Variants in MACROD2 observed in about 807,000 individuals in gnomAD.
MACROD2 encodes ADP-ribose glycohydrolase MACROD2.
MACROD2 carries 36 observed loss-of-function variants against 70.4 expected under a neutral mutation model. The ratio of observed to expected loss-of-function variants is 0.51; its 90% CI spans 0.39 to 0.68. MACROD2 has a LOEUF of 0.68. Among genes scored for constraint, MACROD2 ranks in the 30% least tolerant of loss-of-function variants. The pLI is 0.00. For synonymous variants in MACROD2, 172 were observed against 178.8 expected (o/e 0.96, Z 0.30); for missense variants, 496 against 538.4 (o/e 0.92, Z 0.78).
At chr20:14,615,615 C>G (rs937382759) in intron 4 of MACROD2, among the ~76,000 whole-genome samples, 1 of 151,836 alleles carries the variant, frequency 6.6e-6, no homozygotes, top group Non-Finnish European at 1.5e-5. Context: ...GTGGAGAAGC[C>G]CATGGGTCTA....
chr20:14,986,860 A>C (rs374192), intron 5 of MACROD2, among the ~76,000 whole-genome samples: 3,249 of 152,230 alleles, frequency 0.021, 69 homozygotes, highest in Admixed American at 0.048. Context: ...AGGCAAAGGC[A>C]AAAAAAGTAT....
At chr20:15,134,785 T>C (rs1431529650) in intron 5 of MACROD2, among the ~76,000 whole-genome samples, 1 of 152,242 alleles carries the variant, frequency 6.6e-6, no homozygotes, top group East Asian at 1.9e-4. Flanking sequence ...AGTTGCTGGT[T>C]TTTTGAAAGG....
chr20:14,697,146 G>C (rs919016259), intron 5 of MACROD2, among the ~76,000 whole-genome samples: 3 of 152,170 alleles, frequency 2.0e-5, no homozygotes, highest in Admixed American at 6.5e-5. Context: ...GAAATCCGTT[G>C]GCTGGCAGAG....
intron 2 of MACROD2, among the ~76,000 whole-genome samples, chr20:14,047,086 G>A (rs2053489226): frequency 6.6e-6 from 1 of 152,010 alleles, no homozygotes; most frequent in Non-Finnish European, 1.5e-5. Context: ...CTCACATGAA[G>A]CTTAAAAAAT....
intron 4 of MACROD2, among the ~76,000 whole-genome samples, chr20:14,574,667 TA>T (rs1354501550): frequency 6.6e-6 from 1 of 150,914 alleles, no homozygotes; most frequent in Non-Finnish European, 1.5e-5. Flanking sequence ...TATTATGAAA[TA>T]TATTATAAAA....
chr20:15,547,008 C>G (rs1279184863), intron 8 of MACROD2, among the ~76,000 whole-genome samples: 2 of 152,154 alleles, frequency 1.3e-5, no homozygotes, highest in African/African-American at 4.8e-5. Flanking sequence ...TAACAATTAT[C>G]TCACCTGTCA....
At chr20:15,730,725 T>C (rs551279604) in intron 8 of MACROD2, among the ~76,000 whole-genome samples, 144 of 151,624 alleles carry the variant, frequency 9.5e-4, no homozygotes, top group African/African-American at 3.2e-3. Context: ...ATTTGAATGT[T>C]GGTGTTTCTA....
At chr20:14,251,110 G>A (rs1235447749) in intron 3 of MACROD2, among the ~76,000 whole-genome samples, 3 of 152,022 alleles carry the variant, frequency 2.0e-5, no homozygotes, top group Admixed American at 6.6e-5. Flanking sequence ...AGATGAATTC[G>A]AATGTGTTTG....
At chr20:15,246,291 G>T (rs2077105324) in intron 6 of MACROD2, among the ~76,000 whole-genome samples, 1 of 152,116 alleles carries the variant, frequency 6.6e-6, no homozygotes, top group Non-Finnish European at 1.5e-5. Flanking sequence ...GTGTGTGTCT[G>T]TGTGTGTGCA....
chr20:15,885,421 G>T (rs904330777), intron 9 of MACROD2, among the ~76,000 whole-genome samples: 1 of 152,140 alleles, frequency 6.6e-6, no homozygotes, highest in African/African-American at 2.4e-5. Flanking sequence ...GTTAGAACAT[G>T]TGGCATTTAA....
intron 5 of MACROD2, among the ~76,000 whole-genome samples, chr20:14,742,958 G>A (rs1044707678): frequency 1.8e-4 from 27 of 151,652 alleles, no homozygotes; most frequent in African/African-American, 5.6e-4. Context: ...AGTAGAGACG[G>A]GGTTTCACCG....
At chr20:15,370,202 G>T (rs1373253234) in intron 6 of MACROD2, among the ~76,000 whole-genome samples, 5 of 152,054 alleles carry the variant, frequency 3.3e-5, no homozygotes, top group African/African-American at 1.2e-4. Flanking sequence ...GTCATTCATT[G>T]GCTTAAAATT....
At chr20:15,233,149 A>G (rs1434962871) in intron 6 of MACROD2, among the ~76,000 whole-genome samples, 5 of 152,108 alleles carry the variant, frequency 3.3e-5, no homozygotes, top group Non-Finnish European at 7.4e-5. Context: ...GATGCATGAA[A>G]TTCCATAATT....
At chr20:15,490,163 CT>C in intron 7 of MACROD2, among the ~76,000 whole-genome samples, 1 of 149,968 alleles carries the variant, frequency 6.7e-6, no homozygotes, top group Non-Finnish European at 1.5e-5. Flanking sequence ...TCCTTCCTTC[CT>C]TCCTCCTTTC....
intron 5 of MACROD2, among the ~76,000 whole-genome samples, chr20:14,897,436 A>T (rs1287407573): frequency 6.6e-6 from 1 of 152,170 alleles, no homozygotes; most frequent in African/African-American, 2.4e-5. Context: ...ACATAAATAG[A>T]TAAAAAATAA....
chr20:15,181,668 T>C (rs1415883510), intron 5 of MACROD2, among the ~76,000 whole-genome samples: 3 of 152,222 alleles, frequency 2.0e-5, no homozygotes, highest in East Asian at 3.8e-4. Context: ...TGGATTACTA[T>C]AGATGGTGTT....
chr20:15,994,298 G>C (rs1014119292), intron 15 of MACROD2, among the ~76,000 whole-genome samples: 1 of 151,900 alleles, frequency 6.6e-6, no homozygotes, highest in Non-Finnish European at 1.5e-5. Flanking sequence ...TCAGTTGTGA[G>C]ATGTGCCATT....
chr20:14,698,440 T>G (rs2071152486), intron 5 of MACROD2, among the ~76,000 whole-genome samples: 1 of 152,184 alleles, frequency 6.6e-6, no homozygotes, highest in Admixed American at 6.6e-5. Flanking sequence ...AGAGCACTGC[T>G]TAACTCCAAG....
chr20:14,399,362 T>G (rs972887506), intron 3 of MACROD2, among the ~76,000 whole-genome samples: 4 of 152,152 alleles, frequency 2.6e-5, no homozygotes, highest in African/African-American at 9.7e-5. Context: ...AACGTCTATG[T>G]TGACAGGAGT....
Sources: gnomAD v4.1 joint callset for allele counts (sites outside exome capture counted in the v4.1 genomes callset) on GRCh38, gnomAD v4.1.1 for gene constraint, MANE v1.5 for transcripts, NCBI Gene and HGNC (gene_info 2026-07-23, HGNC 2026-07-21) for gene names.